The following ANKHD1 variants were observed in gnomAD, a reference collection of about 807,000 sequenced individuals.
The protein encoded by ANKHD1 is ankyrin repeat and KH domain-containing protein 1.
Under a neutral mutation model 230.5 loss-of-function variants are expected in ANKHD1, and 31 were observed. The ratio of observed to expected loss-of-function variants is 0.13; its 90% CI spans 0.10 to 0.18. The LOEUF is 0.18. ANKHD1 is among the 10% of genes least tolerant of loss of function. The pLI is 1.00. For missense variants in ANKHD1, 2,256 were observed against 3,071.3 expected, an observed-to-expected ratio of 0.73 and a Z score of 6.27; for synonymous variants, 1,074 against 1,117.6, an observed-to-expected ratio of 0.96 and a Z score of 0.78.
chr5:140,533,775 CAAAAAAAAA>C (rs1167136822), intron 29 of ANKHD1, among the ~76,000 whole-genome samples: 9 of 29,662 alleles, frequency 3.0e-4, no homozygotes, highest in Non-Finnish European at 5.2e-4. Context: ...GACCCTGTCT[CAAAAAAAAA>C]AAAAAAAAAA....
At position 140,402,107 on chromosome 5, in the gene ANKHD1, T is replaced by C. The variant is rs979515492; in HGVS notation, c.140T>C (p.Phe47Ser). The C allele has an allele frequency of 7.8e-6, 12 of 1,533,884 alleles. No homozygotes were observed. Among genetic ancestry groups the C allele is most frequent in the Middle Eastern group, 1.8e-4 (1 of 5,648 alleles). Residue 47 changes from phenylalanine to serine, a missense_variant, in exon 1 of 34, where the codon TTT (phenylalanine) becomes TCT (serine). Around this residue, in one of 13 missense-constraint regions of ANKHD1, gnomAD observed 193 missense variants for 185.8 expected, o/e 1.04. Transcript: ENST00000360839. The part of the protein sequence containing the change: ...VGLGIRTVRL[F>S]GEAGPASGVG... Reference sequence around the variant, plus strand: ...CTGGGGATCCGCACCGTGAGGCTCTTTGGGGAGGCCGGGCCAGCGTCGGGA... The same window carrying C: ...CTGGGGATCCGCACCGTGAGGCTCTCTGGGGAGGCCGGGCCAGCGTCGGGA...
intron 29 of ANKHD1, among the ~76,000 whole-genome samples, chr5:140,534,111 G>C (rs138506349): frequency 2.8e-3 from 430 of 152,282 alleles, no homozygotes; most frequent in African/African-American, 9.6e-3. Context: ...GGAAATATGA[G>C]GCTGGGTGCC....
Position 140,491,139 on chromosome 5 carries a change from C to CACATATATAT in ANKHD1, c.2245+4080_2245+4081insCATATATATA, listed in dbSNP as rs1460352213. Among the ~76,000 whole-genome samples the CACATATATAT allele has an allele frequency of 6.6e-3, 370 of 56,218 alleles. 6 individuals are homozygous for CACATATATAT. Among genetic ancestry groups the CACATATATAT allele is most frequent in the Non-Finnish European group, 9.4e-3 (288 of 30,544 alleles). The allele number at this position is 56,218 out of a possible 152,430, so 36.9% of individuals were successfully genotyped here. On this transcript the variant is annotated intron_variant, in intron 14 of 33. Coordinates refer to ENST00000360839, the MANE Select transcript of ANKHD1 (RefSeq NM_017747.3). ...ACACACATATATATATATATATACA[C>CACATATATAT]ATATATATATATATATATATATTTT... is the stretch of plus-strand genomic sequence containing the variant.
chr5:140,443,411 C>CCCAAAAAATTA (rs1774019313), intron 5 of ANKHD1, among the ~76,000 whole-genome samples: 1 of 151,762 alleles, frequency 6.6e-6, no homozygotes. Flanking sequence ...AAAAAAAAGG[C>CCCAAAAAATTA]CGGGCGTGGT....
intron 24 of ANKHD1, among the ~76,000 whole-genome samples, chr5:140,519,623 G>A (rs546492566): frequency 2.5e-4 from 38 of 152,100 alleles, no homozygotes; most frequent in African/African-American, 7.0e-4. Context: ...AAATAACGCC[G>A]CATGTCTACA....
chr5:140,500,129 A>G (rs1017765534), intron 15 of ANKHD1, among the ~76,000 whole-genome samples: 3 of 152,222 alleles, frequency 2.0e-5, no homozygotes, highest in East Asian at 3.9e-4. Context: ...TCGGCCTCTC[A>G]AAGTGTTGGT....
At chr5:140,404,907 G>A (rs1351562082) in intron 1 of ANKHD1, among the ~76,000 whole-genome samples, 6 of 151,474 alleles carry the variant, frequency 4.0e-5, no homozygotes, top group African/African-American at 1.5e-4. Context: ...TTCACAGGTA[G>A]AGCACTAGTT....
chr5:140,537,619 G>A, intron 31 of ANKHD1, 30 bp downstream of exon 31: 1 of 1,500,224 alleles, frequency 6.7e-7, no homozygotes, highest in Non-Finnish European at 8.9e-7. Flanking sequence ...TCTCTGGAGG[G>A]ATATCTTAAG....
chr5:140,536,730 AT>A (rs1754096743), intron 30 of ANKHD1, among the ~76,000 whole-genome samples: 1 of 152,180 alleles, frequency 6.6e-6, no homozygotes, highest in South Asian at 2.1e-4. Flanking sequence ...ATTTTAGTTA[AT>A]TTTCAAATGT....
intron 1 of ANKHD1, among the ~76,000 whole-genome samples, chr5:140,427,542 C>CG (rs1281238686): frequency 7.8e-6 from 1 of 128,812 alleles, no homozygotes; most frequent in Non-Finnish European, 1.7e-5. Flanking sequence ...GCTGGCCGGG[C>CG]GGGGGGCTGA....
At chr5:140,406,120 C>A (rs1167554923) in intron 1 of ANKHD1, among the ~76,000 whole-genome samples, 1 of 151,716 alleles carries the variant, frequency 6.6e-6, no homozygotes, top group African/African-American at 2.4e-5. Context: ...CGCCTGTAAT[C>A]TGAGTTACTC....
At chr5:140,441,197 G>T in intron 5 of ANKHD1, 55 bp downstream of exon 5, 1 of 1,431,670 alleles carries the variant, frequency 7.0e-7, no homozygotes, top group South Asian at 1.6e-5. Context: ...ATTATTACCT[G>T]AGAGAGAGAA....
chr5:140,527,293 C>A lies in ANKHD1; in HGVS notation c.5087+219C>A. On this transcript the variant is annotated intron_variant, in intron 27 of 33. Transcript: ENST00000360839. This position sits in a 1 kb window ranked among gnomAD's most constrained non-coding sequence, Gnocchi z 4.5. The stretch of plus-strand genomic sequence containing the variant: ...AAGAAATTTTGGCTTTTTTGGATAA[C>A]CTCAGTTGCTTTTTATGTAGTTCAA... The A allele has an allele frequency of 1.8e-6, 1 of 554,960 alleles. No individual in the cohort carries two copies. The highest frequency in any genetic ancestry group is 2.8e-6 in the Non-Finnish European group (1 of 356,534). The allele number at this position is 554,960 out of a possible 1,614,324, so 34.4% of individuals were successfully genotyped here.
intron 7 of ANKHD1, among the ~76,000 whole-genome samples, chr5:140,452,449 G>GCC (rs1774825486): frequency 1.3e-5 from 2 of 152,170 alleles, no homozygotes; most frequent in Non-Finnish European, 2.9e-5. Context: ...CCCCTGAGTA[G>GCC]CCTAACTGGG....
intron 24 of ANKHD1, among the ~76,000 whole-genome samples, chr5:140,522,778 A>G (rs1329067867): frequency 6.6e-6 from 1 of 152,212 alleles, no homozygotes. Context: ...GTACCATTTT[A>G]CATTCCTACC....
intron 1 of ANKHD1, among the ~76,000 whole-genome samples, chr5:140,421,454 C>G (rs188855070): frequency 1.3e-5 from 2 of 151,992 alleles, no homozygotes; most frequent in African/African-American, 4.8e-5. Flanking sequence ...GGGCCGGCCA[C>G]CACACCCAGC....
At position 140,527,533 on chromosome 5, in the gene ANKHD1, ATTTT is replaced by A. The variant is rs1753659744; in HGVS notation, c.5088-339_5088-336del. ...GGATTTTAATAATATGGTATTCATT[ATTTT>A]AACAGGGTCATTGCAGTTTAGTTGA... On this transcript the variant is annotated intron_variant, in intron 27 of 33. Transcript: ENST00000360839. This position sits in a 1 kb window ranked among gnomAD's most constrained non-coding sequence, Gnocchi z 4.5. The A allele has an allele frequency of 4.7e-6, 1 of 212,006 alleles. No individual in the cohort carries two copies. The highest frequency in any genetic ancestry group is 9.4e-6 in the Non-Finnish European group (1 of 106,762). 13.1% of individuals were successfully genotyped at this position (212,006 alleles called of 1,614,324 possible).
At chr5:140,503,549 CTTTCTTTTT>C (rs1752397761) in intron 15 of ANKHD1, among the ~76,000 whole-genome samples, 1 of 52,316 alleles carries the variant, frequency 1.9e-5, no homozygotes, top group Non-Finnish European at 3.9e-5. Flanking sequence ...ACTCAGTTTT[CTTTCTTTTT>C]TTTTTTTTTT....
chr5:140,477,454 A>G (rs1048184158), intron 10 of ANKHD1, among the ~76,000 whole-genome samples: 1 of 152,210 alleles, frequency 6.6e-6, no homozygotes, highest in Non-Finnish European at 1.5e-5. Context: ...TACATGGAAT[A>G]TTTATAAAAA....
Sources: allele counts gnomAD v4.1 joint callset (sites outside exome capture counted in the v4.1 genomes callset), GRCh38; gene constraint gnomAD v4.1.1; regional missense constraint gnomAD v4.1.1; non-coding constraint Gnocchi (gnomAD v3.1); transcripts MANE v1.5; gene names NCBI Gene and HGNC (gene_info 2026-07-23, HGNC 2026-07-21).